TNKS: variants seen among roughly 807,000 people sequenced by gnomAD.
TNKS encodes tankyrase.
A neutral mutation model predicts 135.8 loss-of-function variants in TNKS; 72 were observed. The observed-to-expected ratio is 0.53, with a 90% CI of 0.44 to 0.64. The LOEUF is 0.64. Among genes scored for constraint, TNKS ranks in the 30% least tolerant of loss-of-function variants. The pLI, the probability that TNKS is intolerant of heterozygous loss-of-function variation, is 0.00. For missense variants in TNKS, 1,769 were observed against 1,674.0 expected (o/e 1.06, Z -0.99); for synonymous variants, 849 against 649.3 (o/e 1.31, Z -4.68).
intron 1 of TNKS, among the ~76,000 whole-genome samples, chr8:9,576,326 CAT>C (rs1475558620): frequency 3.3e-5 from 5 of 152,052 alleles, no homozygotes; most frequent in Non-Finnish European, 7.4e-5. Flanking sequence ...TTAATTGACT[CAT>C]AGTTCTGCAG....
intron 3 of TNKS, among the ~76,000 whole-genome samples, chr8:9,650,865 G>C (rs903646350): frequency 6.6e-6 from 1 of 152,124 alleles, no homozygotes; most frequent in Non-Finnish European, 1.5e-5. Context: ...ATTTGCTTTT[G>C]TGTTGTTGGT....
At chr8:9,765,435 AT>A (rs913028935) in intron 23 of TNKS, among the ~76,000 whole-genome samples, 74 of 146,764 alleles carry the variant, frequency 5.0e-4, no homozygotes, top group Admixed American at 5.5e-4. Flanking sequence ...CTTTTTACCT[AT>A]TTTTTTTTTT....
chr8:9,581,796 A>G (rs1798176670), intron 2 of TNKS, among the ~76,000 whole-genome samples: 2 of 152,186 alleles, frequency 1.3e-5, no homozygotes, highest in East Asian at 1.9e-4. Flanking sequence ...TCCTTTGAAT[A>G]TCTTATTGAA....
chr8:9,617,334 G>C (rs1028929845), intron 3 of TNKS, among the ~76,000 whole-genome samples: 4 of 152,126 alleles, frequency 2.6e-5, no homozygotes, highest in Non-Finnish European at 5.9e-5. Flanking sequence ...TGCTTAGATA[G>C]GAATATACGA....
At chr8:9,756,540 A>G (rs867359635) in intron 20 of TNKS, among the ~76,000 whole-genome samples, 2 of 152,184 alleles carry the variant, frequency 1.3e-5, no homozygotes, top group Middle Eastern at 6.8e-3. Flanking sequence ...AAAAAGGAGC[A>G]AGTTAATTTA....
intron 12 of TNKS, among the ~76,000 whole-genome samples, chr8:9,721,598 T>G (rs1446295261): frequency 6.6e-6 from 1 of 150,900 alleles, no homozygotes; most frequent in Non-Finnish European, 1.5e-5. Flanking sequence ...AAGTCCTGGT[T>G]ACTTTTTTCT....
intron 17 of TNKS, among the ~76,000 whole-genome samples, chr8:9,747,720 C>G (rs1173874563): frequency 6.6e-6 from 1 of 152,018 alleles, no homozygotes; most frequent in African/African-American, 2.4e-5. Context: ...AAACACCTTA[C>G]AAAGTATTTG....
intron 2 of TNKS, among the ~76,000 whole-genome samples, chr8:9,585,176 C>A (rs1213147986): frequency 6.7e-6 from 1 of 149,624 alleles, no homozygotes; most frequent in East Asian, 1.9e-4. Flanking sequence ...ATTTTTTTTT[C>A]AGAGGAAACA....
intron 5 of TNKS, among the ~76,000 whole-genome samples, chr8:9,691,225 G>A (rs1803250941): frequency 6.6e-6 from 1 of 151,932 alleles, no homozygotes; most frequent in Non-Finnish European, 1.5e-5. Flanking sequence ...GCACTGGGAA[G>A]GAGGCAGAAT....
At chr8:9,749,915 T>G (rs1429126970) in intron 18 of TNKS, among the ~76,000 whole-genome samples, 1 of 152,242 alleles carries the variant, frequency 6.6e-6, no homozygotes, top group African/African-American at 2.4e-5. Context: ...CCTTTTATCA[T>G]TTTGATCTAC....
At chr8:9,583,599 C>T (rs992142369) in intron 2 of TNKS, among the ~76,000 whole-genome samples, 10 of 152,078 alleles carry the variant, frequency 6.6e-5, no homozygotes, top group African/African-American at 2.4e-4. Flanking sequence ...AGTGATTCTC[C>T]TGCCTCAGCC....
At chr8:9,612,875 A>G (rs1301188032) in intron 2 of TNKS, among the ~76,000 whole-genome samples, 1 of 152,202 alleles carries the variant, frequency 6.6e-6, no homozygotes, top group African/African-American at 2.4e-5. Flanking sequence ...TATGTATTAT[A>G]TATTGTATTC....
rs1423936400 is a variant in TNKS at position 9,562,572 on chromosome 8, A to G, written c.673+5960A>G. ...CCTTTATATTTAAAGTGTGTCTATT[A>G]TAGACAGTATATATGTGAGTGTTGC... On this transcript the variant is annotated intron_variant, in intron 1 of 26. Transcript: ENST00000310430. Among the ~76,000 whole-genome samples, 4 of 152,198 alleles carry G rather than the reference A, an allele frequency of 2.6e-5. No homozygotes were observed. The East Asian group carries it at 7.7e-4, about 29-fold the overall frequency.
intron 3 of TNKS, among the ~76,000 whole-genome samples, chr8:9,632,353 C>G (rs991026625): frequency 2.0e-5 from 3 of 152,098 alleles, no homozygotes; most frequent in African/African-American, 7.2e-5. Context: ...AAGATGAATA[C>G]CTGTATACTC....
intron 11 of TNKS, among the ~76,000 whole-genome samples, chr8:9,714,024 A>G (rs796973284): frequency 1.3e-5 from 2 of 152,296 alleles, no homozygotes; most frequent in African/African-American, 4.8e-5. Flanking sequence ...CTCTTGATGA[A>G]TCAATTTCTC....
chr8:9,558,308 C>G (rs970415808), intron 1 of TNKS: 5 of 152,156 alleles, frequency 3.3e-5, no homozygotes, highest in African/African-American at 1.2e-4. Context: ...ACAGACACTA[C>G]TTATTAGGAA....
chr8:9,754,824 A>C (rs553636846), intron 20 of TNKS, among the ~76,000 whole-genome samples: 1 of 152,168 alleles, frequency 6.6e-6, no homozygotes, highest in African/African-American at 2.4e-5. Context: ...ACTGCTGTCT[A>C]TAAAATCATT....
At chr8:9,747,260 C>G (rs1234680381) in intron 17 of TNKS, among the ~76,000 whole-genome samples, 1 of 138,822 alleles carries the variant, frequency 7.2e-6, no homozygotes, top group African/African-American at 2.6e-5. Context: ...CCCCCTCCTT[C>G]CCCCCCTCAA....
Position 9,556,488 on chromosome 8 carries a change from A to G in TNKS, c.549A>G (p.Leu183=), listed in dbSNP as rs1454109023. The change falls in exon 1 of 27, where the codon CTA becomes CTG. Residue 183 remains leucine, a synonymous_variant. Coordinates refer to ENST00000310430, the MANE Select transcript of TNKS (RefSeq NM_003747.3). ...GTGVPAVSGA[L]RELLEACRNG... is the part of the protein sequence containing the mutation. ...GGGTCCCAGCAGTGAGCGGGGCCCT[A>G]CGGGAACTGCTGGAGGCCTGTCGCA... 1.9e-6 allele frequency: 3 copies of G among 1,614,120 alleles called. No homozygotes were observed. Among genetic ancestry groups the G allele is most frequent in the South Asian group, 1.1e-5 (1 of 91,080 alleles).
Sources: gnomAD v4.1 joint callset for allele counts (sites outside exome capture counted in the v4.1 genomes callset) on GRCh38, gnomAD v4.1.1 for gene constraint, MANE v1.5 for transcripts, NCBI Gene and HGNC (gene_info 2026-07-23, HGNC 2026-07-21) for gene names.